Variants in PTPRN2 observed in about 807,000 individuals in gnomAD.
PTPRN2 encodes the protein protein tyrosine phosphatase receptor type N2.
Under a neutral mutation model 118.8 loss-of-function variants are expected in PTPRN2, and 74 were observed. The observed-to-expected ratio is 0.62, with a 90% confidence interval of 0.52 to 0.76. The LOEUF (loss-of-function observed/expected upper bound fraction) is 0.76, where lower values mean the gene tolerates loss of function less well. PTPRN2 is among the 30% of genes least tolerant of loss of function. The pLI is 0.00. For missense variants in PTPRN2, 1,481 were observed against 1,394.4 expected, an observed-to-expected ratio of 1.06 and a Z score of -0.99; for synonymous variants, 641 against 608.0, an observed-to-expected ratio of 1.05 and a Z score of -0.80.
chr7:158,086,337 G>A (rs1813410339), intron 10 of PTPRN2, among the ~76,000 whole-genome samples: 1 of 152,206 alleles, frequency 6.6e-6, no homozygotes, highest in African/African-American at 2.4e-5. Context: ...GCGTCCGCCT[G>A]CACCACTCCA....
At position 158,369,356 on chromosome 7, in the gene PTPRN2, C is replaced by T. The variant is rs544130394; in HGVS notation, c.164-52424G>A. The stretch of plus-strand genomic sequence containing the variant: ...AACTAATATGATATATATATATCTG[C>T]CCCTCTAGAGAACCCTGACTAATAC... On this transcript the variant is annotated intron_variant, in intron 2 of 22. Transcript: ENST00000389418. 9.1e-4 allele frequency among the ~76,000 whole-genome samples: 138 copies of T among 151,686 alleles called. 1 individual carries two copies. Among genetic ancestry groups the T allele is most frequent in the African/African-American group, 2.9e-3 (122 of 41,372 alleles).
At chr7:158,236,513 T>C (rs1829559454) in intron 3 of PTPRN2, among the ~76,000 whole-genome samples, 1 of 152,184 alleles carries the variant, frequency 6.6e-6, no homozygotes, top group African/African-American at 2.4e-5. Flanking sequence ...CCCTGGCGTC[T>C]GTGGGGTGGG....
intron 2 of PTPRN2, among the ~76,000 whole-genome samples, chr7:158,418,093 G>A (rs887024606): frequency 6.0e-5 from 9 of 151,210 alleles, no homozygotes; most frequent in African/African-American, 1.7e-4. Context: ...GTCCCACTGT[G>A]TTAAGTCACG....
In PTPRN2 at chr7:158,003,756, G is replaced by A. The variant is rs370444814; in HGVS notation, c.1723+77542C>T. Among the ~76,000 whole-genome samples, 37 of 152,222 alleles carry A rather than the reference G, an allele frequency of 2.4e-4. 1 individual carries two copies. Among genetic ancestry groups the A allele is most frequent in the East Asian group, 2.3e-3 (12 of 5,166 alleles). On this transcript the variant is annotated intron_variant, in intron 11 of 22. Coordinates refer to ENST00000389418, the MANE Select transcript of PTPRN2 (RefSeq NM_002847.5). The surrounding 1 kb of genome is among the most constrained non-coding windows in gnomAD (Gnocchi z 5.0). ...GGGATCCAGGTTTCTTGGTGGTGGC[G>A]AGCTTCTCACATGGGCTTGGCGGCA...
chr7:158,441,450 AGTG>A, intron 2 of PTPRN2, among the ~76,000 whole-genome samples: 1 of 34,096 alleles, frequency 2.9e-5, no homozygotes, highest in African/African-American at 1.3e-4. Context: ...CAGTGGTGGC[AGTG>A]GTGGTGATAG....
intron 2 of PTPRN2, among the ~76,000 whole-genome samples, chr7:158,478,809 C>T (rs773174428): frequency 2.4e-4 from 36 of 152,014 alleles, no homozygotes; most frequent in Non-Finnish European, 4.4e-4. Context: ...GTGGCAGACA[C>T]GTTCATATTC....
intron 12 of PTPRN2, among the ~76,000 whole-genome samples, chr7:157,797,759 T>C (rs1448841603): frequency 6.6e-6 from 1 of 152,194 alleles, no homozygotes; most frequent in Non-Finnish European, 1.5e-5. Flanking sequence ...GGTGTGCACC[T>C]GTCAGTTACA....
At chr7:157,561,020 C>T (rs777988987) in intron 21 of PTPRN2, among the ~76,000 whole-genome samples, 11 of 152,310 alleles carry the variant, frequency 7.2e-5, no homozygotes, top group Admixed American at 5.2e-4. Flanking sequence ...TCCTGGGCCC[C>T]GTGGCTGAGC....
rs147894093 is a variant in PTPRN2, at chr7:158,486,895, G to A, written c.163+2840C>T. On this transcript the variant is annotated intron_variant, in intron 2 of 22. Coordinates refer to ENST00000389418, the MANE Select transcript of PTPRN2 (RefSeq NM_002847.5). The stretch of plus-strand genomic sequence containing the variant: ...CGTCTATTCCCAGAACTCTTCCATC[G>A]TCCCAAACTGAAACTCCACCAATTA... Among the ~76,000 whole-genome samples, 270 of 152,162 alleles carry A rather than the reference G, an allele frequency of 1.8e-3. 2 individuals are homozygous for A. The highest frequency in any genetic ancestry group is 6.8e-3 in the Middle Eastern group (2 of 294).
Position 158,135,315 on chromosome 7 carries a change from T to C in PTPRN2, c.1174-1256A>G, listed in dbSNP as rs1343112745. On this transcript the variant is annotated intron_variant, in intron 8 of 22. Transcript: ENST00000389418. ...ATTTTTTAAAATTTAAACAAAATAG[T>C]AGTGTGATAAAAACACTGCTCAAAT... 5.9e-5 allele frequency among the ~76,000 whole-genome samples: 9 copies of C among 152,302 alleles called. No individual in the cohort carries two copies. The South Asian group carries it at 1.9e-3, about 32-fold the overall frequency.
At chr7:157,752,605 T>C (rs1048178680) in intron 12 of PTPRN2, among the ~76,000 whole-genome samples, 1 of 152,110 alleles carries the variant, frequency 6.6e-6, no homozygotes, top group Middle Eastern at 3.2e-3. Context: ...TCAAATCTGA[T>C]CCTCTCCCCA....
intron 11 of PTPRN2, among the ~76,000 whole-genome samples, chr7:157,926,837 C>T (rs911190319): frequency 6.6e-6 from 1 of 152,204 alleles, no homozygotes; most frequent in African/African-American, 2.4e-5. Context: ...GAGTCGCCTC[C>T]CCCTGCATCT....
intron 12 of PTPRN2, among the ~76,000 whole-genome samples, chr7:157,685,112 G>A (rs1307613718): frequency 6.6e-6 from 1 of 151,890 alleles, no homozygotes; most frequent in East Asian, 1.9e-4. Context: ...CGCGGGTCCC[G>A]CCTGGCCTTG....
chr7:157,864,481 C>G (rs1810483494), intron 12 of PTPRN2: 1 of 152,294 alleles, frequency 6.6e-6, no homozygotes, highest in African/African-American at 2.4e-5. Context: ...CCTGTTGGGG[C>G]CAGGGGAGGC....
intron 12 of PTPRN2, among the ~76,000 whole-genome samples, chr7:157,852,609 G>A (rs879062658): frequency 6.6e-6 from 1 of 152,092 alleles, no homozygotes; most frequent in African/African-American, 2.4e-5. Flanking sequence ...GGTGGCTCAC[G>A]CCTGTAATCC....
At chr7:158,541,496 T>G in intron 1 of PTPRN2, 1 of 1,352,136 alleles carries the variant, frequency 7.4e-7, no homozygotes, top group Non-Finnish European at 9.8e-7. Context: ...TCTGTGGACC[T>G]GAAACAAACA....
chr7:158,006,312 C>A (rs1240038950), intron 11 of PTPRN2, among the ~76,000 whole-genome samples: 1 of 152,228 alleles, frequency 6.6e-6, no homozygotes, highest in Non-Finnish European at 1.5e-5. Flanking sequence ...TTTTTACCAA[C>A]TTTTCCAAGG....
At chr7:158,513,768 G>A (rs533345859) in intron 1 of PTPRN2, among the ~76,000 whole-genome samples, 34 of 152,282 alleles carry the variant, frequency 2.2e-4, no homozygotes, top group African/African-American at 6.7e-4. Context: ...AGGCAGCCCC[G>A]AAACTTACCA....
chr7:158,559,522 AG>A (rs1043182192), intron 1 of PTPRN2, among the ~76,000 whole-genome samples: 1 of 152,126 alleles, frequency 6.6e-6, no homozygotes, highest in African/African-American at 2.4e-5. Flanking sequence ...GTCCCATCGC[AG>A]GGTGCAGAGG....
Sources: allele counts gnomAD v4.1 joint callset (sites outside exome capture counted in the v4.1 genomes callset), GRCh38; gene constraint gnomAD v4.1.1; non-coding constraint Gnocchi (gnomAD v3.1); transcripts MANE v1.5; gene names NCBI Gene and HGNC (gene_info 2026-07-23, HGNC 2026-07-21).